The following BCR variants were observed in gnomAD, a reference collection of about 807,000 sequenced individuals.
BCR encodes the protein breakpoint cluster region protein.
BCR carries 58 observed loss-of-function variants against 138.6 expected under a neutral mutation model. The ratio of observed to expected loss-of-function variants is 0.42; its 90% CI spans 0.34 to 0.52. BCR has a LOEUF of 0.52. BCR is among the 20% of genes least tolerant of loss of function. BCR has a pLI of 0.06. For missense variants in BCR, 1,599 were observed against 1,727.2 expected, an observed-to-expected ratio of 0.93 and a Z score of 1.32; for synonymous variants, 786 against 730.1, an observed-to-expected ratio of 1.08 and a Z score of -1.23.
chr22:23,238,443 G>A (rs1199289127), intron 1 of BCR, among the ~76,000 whole-genome samples: 3 of 151,974 alleles, frequency 2.0e-5, no homozygotes, highest in Non-Finnish European at 4.4e-5. Context: ...AATACAAAAC[G>A]TCACTCCCCT....
chr22:23,303,381 T>C (rs1004461493), intron 16 of BCR, among the ~76,000 whole-genome samples: 1 of 152,130 alleles, frequency 6.6e-6, no homozygotes, highest in Non-Finnish European at 1.5e-5. Flanking sequence ...GCACCAAGAA[T>C]CCTCATTTGT....
chr22:23,231,405 C>G (rs1019916579), intron 1 of BCR, among the ~76,000 whole-genome samples: 2 of 151,882 alleles, frequency 1.3e-5, no homozygotes, highest in African/African-American at 4.8e-5. Flanking sequence ...ATTCAGGAGG[C>G]TGAGTCAGGA....
intron 1 of BCR, among the ~76,000 whole-genome samples, chr22:23,233,801 AAAGAAAAAAAAG>A (rs1422800279): frequency 5.2e-5 from 5 of 96,604 alleles, no homozygotes; most frequent in Admixed American, 1.0e-4. Flanking sequence ...AAAAAAAAAA[AAAGAAAAAAAAG>A]AAAAAAAAAA....
chr22:23,286,464 G>T (rs548966372), intron 10 of BCR, among the ~76,000 whole-genome samples: 36 of 152,312 alleles, frequency 2.4e-4, no homozygotes, highest in African/African-American at 7.5e-4. Flanking sequence ...ACATTCTATT[G>T]TCATCCTTGT....
chr22:23,203,014 C>T (rs77133304), intron 1 of BCR, among the ~76,000 whole-genome samples: 7 of 152,106 alleles, frequency 4.6e-5, no homozygotes, highest in African/African-American at 1.7e-4. Context: ...CACATCACTA[C>T]ACTCATCTGT....
At position 23,181,658 on chromosome 22, in the gene BCR, G is replaced by T; in HGVS notation, c.698G>T (p.Gly233Val). The T allele has an allele frequency of 6.2e-7, 1 of 1,608,188 alleles. No individual in the cohort carries two copies. The change falls in exon 1 of 23, where the codon GGA (glycine) becomes GTA (valine). Residue 233 changes from glycine to valine, a missense_variant. Transcript: ENST00000305877. ...VGDASRPPYR[G>V]RSSESSCGVD... ...GATGCATCCAGGCCCCCTTACCGGG[G>T]ACGCTCCTCGGAGAGCAGCTGCGGC...
At chr22:23,247,078 C>T (rs1296949020) in intron 1 of BCR, among the ~76,000 whole-genome samples, 1 of 152,144 alleles carries the variant, frequency 6.6e-6, no homozygotes, top group African/African-American at 2.4e-5. Flanking sequence ...AGGACAGTGC[C>T]TGCCTGACAA....
chr22:23,298,896 C>T (rs2073874762), intron 16 of BCR, among the ~76,000 whole-genome samples: 1 of 152,192 alleles, frequency 6.6e-6, no homozygotes, highest in Non-Finnish European at 1.5e-5. Flanking sequence ...CTGCACCCAG[C>T]CTCCTCACCT....
chr22:23,186,307 T>A (rs571209796), intron 1 of BCR, among the ~76,000 whole-genome samples: 1 of 152,348 alleles, frequency 6.6e-6, no homozygotes, highest in South Asian at 2.1e-4. Context: ...AAATTTACCA[T>A]TTTTGTAACT....
intron 12 of BCR, among the ~76,000 whole-genome samples, chr22:23,288,678 T>C (rs1319090660): frequency 6.6e-6 from 1 of 152,080 alleles, no homozygotes; most frequent in African/African-American, 2.4e-5. Context: ...GCATTCACAC[T>C]GTGCTGGCCC....
intron 1 of BCR, among the ~76,000 whole-genome samples, chr22:23,237,756 G>A (rs1406609390): frequency 1.3e-5 from 2 of 152,210 alleles, no homozygotes; most frequent in East Asian, 1.9e-4. Flanking sequence ...CTTTGTAGTG[G>A]ATGAGACGGA....
intron 1 of BCR, among the ~76,000 whole-genome samples, chr22:23,252,427 CTTTTCTTT>C (rs1286828989): frequency 2.5e-4 from 30 of 119,510 alleles, no homozygotes; most frequent in Admixed American, 8.0e-4. Flanking sequence ...TTTTTCTTTT[CTTTTCTTT>C]TTTTTTTTTT....
intron 1 of BCR, among the ~76,000 whole-genome samples, chr22:23,224,805 C>A (rs2072869106): frequency 6.6e-6 from 1 of 152,108 alleles, no homozygotes; most frequent in Admixed American, 6.5e-5. Flanking sequence ...TCGCTTGAAC[C>A]CAGAAGGTAG....
chr22:23,186,359 C>T (rs1015269201), intron 1 of BCR, among the ~76,000 whole-genome samples: 7 of 152,284 alleles, frequency 4.6e-5, no homozygotes, highest in African/African-American at 1.7e-4. Context: ...AAGTTACTGT[C>T]TTAACCCTTT....
At chr22:23,280,918 G>A (rs1031062331) in intron 8 of BCR, among the ~76,000 whole-genome samples, 1 of 152,168 alleles carries the variant, frequency 6.6e-6, no homozygotes, top group Non-Finnish European at 1.5e-5. Flanking sequence ...CTTGCACCAG[G>A]ACACACACAG....
chr22:23,311,638 C>T (rs2074008902), intron 18 of BCR, 59 bp from the exon 19 acceptor site: 4 of 1,452,490 alleles, frequency 2.8e-6, no homozygotes, highest in Admixed American at 1.8e-5. Flanking sequence ...GAGCAGGTCT[C>T]CTGTGTTATG....
chr22:23,251,639 G>A (rs2073229774), intron 1 of BCR, among the ~76,000 whole-genome samples: 1 of 152,252 alleles, frequency 6.6e-6, no homozygotes, highest in Non-Finnish European at 1.5e-5. Context: ...AGTGCCTGAG[G>A]GCAGCCCTGT....
At chr22:23,289,786 A>G (rs750796365) in intron 13 of BCR, 165 bp downstream of exon 13, 52 of 654,972 alleles carry the variant, frequency 7.9e-5, no homozygotes, top group Non-Finnish European at 1.3e-4. Context: ...CCAGGAGTGG[A>G]CAAGGTGGGT....
chr22:23,288,179 A>G lies in BCR; in HGVS notation c.2602+7A>G. ...CGGGAGCAGCAGAAGAAGTGTGAGT[A>G]TCCTCTGTCCTGAGAGGGGCTGGGC... On this transcript the variant is annotated splice_region_variant and intron_variant, in intron 12 of 22. Transcript: ENST00000305877. 1 of 1,613,554 alleles carries G rather than the reference A, an allele frequency of 6.2e-7. No homozygotes were observed. The highest frequency in any genetic ancestry group is 8.5e-7 in the Non-Finnish European group (1 of 1,179,494).
Sources: gnomAD v4.1 joint callset for allele counts (sites outside exome capture counted in the v4.1 genomes callset) on GRCh38, gnomAD v4.1.1 for gene constraint, MANE v1.5 for transcripts, NCBI Gene and HGNC (gene_info 2026-07-23, HGNC 2026-07-21) for gene names.